ZC3H12A: variants seen among roughly 807,000 people sequenced by gnomAD.
The protein encoded by ZC3H12A is endoribonuclease ZC3H12A.
A neutral mutation model predicts 29.9 loss-of-function variants in ZC3H12A; 9 were observed. That is an observed-to-expected ratio of 0.30 (90% CI 0.18 to 0.53). The LOEUF is 0.53. Ranked by LOEUF, ZC3H12A falls within the 20% of genes least tolerant of loss-of-function variation. The pLI, the probability that ZC3H12A is intolerant of heterozygous loss-of-function variation, is 0.96. For synonymous variants in ZC3H12A, 323 were observed against 338.1 expected, an observed-to-expected ratio of 0.96 and a Z score of 0.49; for missense variants, 617 against 799.0, an observed-to-expected ratio of 0.77 and a Z score of 2.75.
In ZC3H12A at chr1:37,475,362, T is replaced by C; in HGVS notation, c.-38-97T>C. ...CCTGAACTAATAACACGATGCAGTG[T>C]GTAGTGCCACCAATCCCTCATCCTG... On this transcript the variant is annotated intron_variant, in intron 1 of 5. Transcript: ENST00000373087. This position sits in a 1 kb window ranked among gnomAD's most constrained non-coding sequence, Gnocchi z 5.2. 1 of 926,414 alleles carries C rather than the reference T, an allele frequency of 1.1e-6. No individual in the cohort carries two copies. Among genetic ancestry groups the C allele is most frequent in the South Asian group, 1.6e-5 (1 of 62,490 alleles). The allele number at this position is 926,414 out of a possible 1,614,324, so 57.4% of individuals were successfully genotyped here.
At position 37,483,212 on chromosome 1, in the gene ZC3H12A, T is replaced by G; in HGVS notation, c.1401T>G (p.Pro467=). ...GPGEPGPPRA[P]YTGYSPYGSE... Reference sequence around the variant, plus strand: ...GTGAGCCGGGCCCACCCCGAGCCCCTTACACGGGCTACAGTCCCTATGGAT... The same window carrying G: ...GTGAGCCGGGCCCACCCCGAGCCCCGTACACGGGCTACAGTCCCTATGGAT... The change falls in exon 6 of 6, where the codon CCT becomes CCG. Residue 467 remains proline, a synonymous_variant. Transcript: ENST00000373087. The G allele has an allele frequency of 6.2e-7, 1 of 1,613,634 alleles. No homozygotes were observed. Among genetic ancestry groups the G allele is most frequent in the Non-Finnish European group, 8.5e-7 (1 of 1,179,906 alleles).
In ZC3H12A at chr1:37,483,808, T is replaced by C. The variant is rs1641769514; in HGVS notation, c.*197T>C. The C allele has an allele frequency of 3.0e-6, 2 of 672,688 alleles. No homozygotes were observed. Among genetic ancestry groups the C allele is most frequent in the African/African-American group, 3.6e-5 (2 of 55,398 alleles). 41.7% of individuals were successfully genotyped at this position (672,688 alleles called of 1,614,324 possible). ...CTGGCCCATGCAGCACCTCTAGCTG[T>C]CTGCCTCAGTGGGTCAGAAGCGATC... On this transcript the variant is annotated 3_prime_UTR_variant, in exon 6 of 6. Transcript: ENST00000373087.
chr1:37,475,727 C>T lies in ZC3H12A; in HGVS notation c.231C>T (p.Asp77=). ...SVLQKLGVQA[D]TNTVLGELVK... ...TGCAGAAGCTGGGCGTCCAGGCAGA[C>T]ACCAACACGGTGCTGGGTGAGCTGG... is the stretch of plus-strand genomic sequence containing the variant. Residue 77 remains aspartate (D), a synonymous_variant, in exon 2 of 6, where the codon GAC becomes GAT. Transcript: ENST00000373087. This position sits in a 1 kb window ranked among gnomAD's most constrained non-coding sequence, Gnocchi z 5.2. The T allele has an allele frequency of 4.3e-6, 7 of 1,614,048 alleles. No individual in the cohort carries two copies. The highest frequency in any genetic ancestry group is 5.9e-6 in the Non-Finnish European group (7 of 1,180,044).
In ZC3H12A at chr1:37,476,716, C is replaced by T. The variant is rs1267751144; in HGVS notation, c.443+777C>T. ...GCAGAGAGGGAAGCCAGGGCTGCTG[C>T]TGACCTTGGGAAACCCAGACTTCTC... On this transcript the variant is annotated intron_variant, in intron 2 of 5. Transcript: ENST00000373087. The surrounding 1 kb of genome is among the most constrained non-coding windows in gnomAD (Gnocchi z 6.0). Among the ~76,000 whole-genome samples the T allele has an allele frequency of 6.6e-6, 1 of 152,234 alleles. No individual in the cohort carries two copies. Among genetic ancestry groups the T allele is most frequent in the South Asian group, 2.1e-4 (1 of 4,838 alleles).
chr1:37,484,363 T>C lies in ZC3H12A; in HGVS notation c.*752T>C, dbSNP rs1641784675. 1 of 152,150 alleles carries C rather than the reference T, an allele frequency of 6.6e-6. No homozygotes were observed. The highest frequency in any genetic ancestry group is 1.5e-5 in the Non-Finnish European group (1 of 68,050). 9.4% of individuals were successfully genotyped at this position (152,150 alleles called of 1,614,324 possible). ...TAACACATCAATAAAGTACAATCAT[T>C]GTGAGCCCTTTCAAGAGGTGATTGT... On this transcript the variant is annotated 3_prime_UTR_variant, in exon 6 of 6. Coordinates refer to ENST00000373087, the MANE Select transcript of ZC3H12A (RefSeq NM_025079.3).
chr1:37,484,332 C>A lies in ZC3H12A; in HGVS notation c.*721C>A, dbSNP rs1557597560. Reference sequence around the variant, plus strand: ...AATATTTTAAGCAGAAAGTCCTTACCTCCTGTAACACATCAATAAAGTACA... The same window carrying A: ...AATATTTTAAGCAGAAAGTCCTTACATCCTGTAACACATCAATAAAGTACA... On this transcript the variant is annotated 3_prime_UTR_variant, in exon 6 of 6. Coordinates refer to ENST00000373087, the MANE Select transcript of ZC3H12A (RefSeq NM_025079.3). The A allele has an allele frequency of 6.6e-6, 1 of 152,234 alleles. No individual in the cohort carries two copies. Among genetic ancestry groups the A allele is most frequent in the African/African-American group, 2.4e-5 (1 of 41,448 alleles). The allele number at this position is 152,234 out of a possible 1,614,324, so 9.4% of individuals were successfully genotyped here. A position where few individuals can be genotyped will look rare whatever the true frequency, so the allele number is the denominator to read the frequency against.
chr1:37,481,970 G>A (rs1256371393), intron 4 of ZC3H12A, 135 bp downstream of exon 4: 2 of 836,594 alleles, frequency 2.4e-6, no homozygotes, highest in Non-Finnish European at 3.8e-6. Flanking sequence ...CTTGGCTCCA[G>A]GCAGCTTTGA....
Position 37,482,785 on chromosome 1 carries a change from G to A in ZC3H12A, c.974G>A (p.Arg325Gln), listed in dbSNP as rs570916199. The change falls in exon 6 of 6, where the codon CGG becomes CAG. Residue 325 changes from arginine (R) to glutamine (Q), a missense_variant. Arg to Gln is a conservative substitution (Grantham distance 43). This residue lies in a region of ZC3H12A where 255 missense variants were observed against 402.5 expected (regional missense o/e 0.63). Transcript: ENST00000373087. ...GIKCRFFHPE[R>Q]PSCPQRSVAD... is the part of the protein sequence containing the mutation. ...AAGTGCCGATTCTTCCACCCAGAGC[G>A]GCCAAGCTGCCCCCAGCGCTCTGTG... The A allele has an allele frequency of 6.8e-6, 11 of 1,613,926 alleles. No homozygotes were observed. Among genetic ancestry groups the A allele is most frequent in the East Asian group, 2.2e-5 (1 of 44,888 alleles).
At position 37,483,796 on chromosome 1, in the gene ZC3H12A, C is replaced by A; in HGVS notation, c.*185C>A. On this transcript the variant is annotated 3_prime_UTR_variant, in exon 6 of 6. Coordinates refer to ENST00000373087, the MANE Select transcript of ZC3H12A (RefSeq NM_025079.3). ...GTAGGATTGGTTCTGGCCCATGCAG[C>A]ACCTCTAGCTGTCTGCCTCAGTGGG... 1.3e-6 allele frequency: 1 copy of A among 747,048 alleles called. No individual in the cohort carries two copies. The highest frequency in any genetic ancestry group is 2.1e-6 in the Non-Finnish European group (1 of 474,966). The allele number at this position is 747,048 out of a possible 1,614,324, so 46.3% of individuals were successfully genotyped here.
Position 37,481,843 on chromosome 1 carries a change from C to A in ZC3H12A, c.818+8C>A. 1 of 1,610,914 alleles carries A rather than the reference C, an allele frequency of 6.2e-7. No homozygotes were observed. The highest frequency in any genetic ancestry group is 1.1e-5 in the South Asian group (1 of 90,670). ...CTCCTTCGTCAATGACAAGTATGTTCCCTCCCAGAGGCCCTGACAGACTTG... is the reference window on the plus strand; with the variant it reads ...CTCCTTCGTCAATGACAAGTATGTTACCTCCCAGAGGCCCTGACAGACTTG... On this transcript the variant is annotated splice_region_variant and intron_variant, in intron 4 of 5. Transcript: ENST00000373087.
rs749467540 is a variant in ZC3H12A at position 37,475,667 on chromosome 1, G to A, written c.171G>A (p.Lys57=). ...ELQMKVDFFR[K]LGYSSTEIHS... ...AGATGAAGGTGGACTTCTTCCGGAA[G>A]CTGGGCTATTCATCCACGGAGATCC... is the stretch of plus-strand genomic sequence containing the variant. Residue 57 remains lysine, a synonymous_variant, in exon 2 of 6, where the codon AAG becomes AAA. Coordinates refer to ENST00000373087, the MANE Select transcript of ZC3H12A (RefSeq NM_025079.3). This position sits in a 1 kb window ranked among gnomAD's most constrained non-coding sequence, Gnocchi z 5.2. 2.2e-5 allele frequency: 35 copies of A among 1,614,036 alleles called. No homozygotes were observed. The highest frequency in any genetic ancestry group is 3.0e-5 in the Non-Finnish European group (35 of 1,180,060).
At position 37,479,745 on chromosome 1, in the gene ZC3H12A, G is replaced by A; in HGVS notation, c.444-545G>A. ...TGTGTGAGGACTGAACTTTAATCCGGAACAATCTGGTTTCTCCTCGGTCAG... is the reference window on the plus strand; with the variant it reads ...TGTGTGAGGACTGAACTTTAATCCGAAACAATCTGGTTTCTCCTCGGTCAG... On this transcript the variant is annotated intron_variant, in intron 2 of 5. Coordinates refer to ENST00000373087, the MANE Select transcript of ZC3H12A (RefSeq NM_025079.3). The surrounding 1 kb of genome is among the most constrained non-coding windows in gnomAD (Gnocchi z 4.5). The A allele has an allele frequency of 1.0e-6, 1 of 985,400 alleles. No individual in the cohort carries two copies. The highest frequency in any genetic ancestry group is 1.2e-6 in the Non-Finnish European group (1 of 829,932). 61.0% of individuals were successfully genotyped at this position (985,400 alleles called of 1,614,324 possible).
In ZC3H12A at chr1:37,483,224, C is replaced by T. The variant is rs1250587546; in HGVS notation, c.1413C>T (p.Tyr471=). ...CACCCCGAGCCCCTTACACGGGCTA[C>T]AGTCCCTATGGATCTGAGCTCCCAG... ...PGPPRAPYTG[Y]SPYGSELPAT... is the part of the protein sequence containing the mutation. The change falls in exon 6 of 6, where the codon TAC becomes TAT. Residue 471 remains tyrosine (Y), a synonymous_variant. Transcript: ENST00000373087. The T allele has an allele frequency of 2.5e-6, 4 of 1,613,760 alleles. No homozygotes were observed. The highest frequency in any genetic ancestry group is 3.4e-6 in the Non-Finnish European group (4 of 1,179,926).
At position 37,479,105 on chromosome 1, in the gene ZC3H12A, C is replaced by T. The variant is rs1013512345; in HGVS notation, c.444-1185C>T. 14 of 985,254 alleles carry T rather than the reference C, an allele frequency of 1.4e-5. No individual in the cohort carries two copies. The African/African-American group carries it at 1.9e-4, about 14-fold the overall frequency. 61.0% of individuals were successfully genotyped at this position (985,254 alleles called of 1,614,324 possible). ...GTTGGCCCTGGACTTGCCTCTTTTG[C>T]GTAACATTTATTCTGTTTTATTTGC... On this transcript the variant is annotated intron_variant, in intron 2 of 5. Coordinates refer to ENST00000373087, the MANE Select transcript of ZC3H12A (RefSeq NM_025079.3). This position sits in a 1 kb window ranked among gnomAD's most constrained non-coding sequence, Gnocchi z 4.5.
rs1403037324 is a variant in ZC3H12A at position 37,484,244 on chromosome 1, T to C, written c.*633T>C. 1.3e-5 allele frequency: 2 copies of C among 152,242 alleles called. No homozygotes were observed. The highest frequency in any genetic ancestry group is 2.4e-5 in the African/African-American group (1 of 41,374). The allele number at this position is 152,242 out of a possible 1,614,324, so 9.4% of individuals were successfully genotyped here. On this transcript the variant is annotated 3_prime_UTR_variant, in exon 6 of 6. Coordinates refer to ENST00000373087, the MANE Select transcript of ZC3H12A (RefSeq NM_025079.3). ...CTTCTCCTCCATCCTTTATTCAGAG[T>C]CATCTCGCCCTTCCCCATGGGTGGG...
chr1:37,479,164 G>A lies in ZC3H12A; in HGVS notation c.444-1126G>A. 7 of 985,404 alleles carry A rather than the reference G, an allele frequency of 7.1e-6. No individual in the cohort carries two copies. The highest frequency in any genetic ancestry group is 8.4e-6 in the Non-Finnish European group (7 of 829,928). The allele number at this position is 985,404 out of a possible 1,614,324, so 61.0% of individuals were successfully genotyped here. On this transcript the variant is annotated intron_variant, in intron 2 of 5. Coordinates refer to ENST00000373087, the MANE Select transcript of ZC3H12A (RefSeq NM_025079.3). This position sits in a 1 kb window ranked among gnomAD's most constrained non-coding sequence, Gnocchi z 4.5. ...AGAGTCTAAGCTGTTCACTGAGGGGGCAGTGAGACGTGGGGCTGCTGGTCC... is the reference window on the plus strand; with the variant it reads ...AGAGTCTAAGCTGTTCACTGAGGGGACAGTGAGACGTGGGGCTGCTGGTCC...
chr1:37,482,368 C>T, intron 4 of ZC3H12A, 66 bp from the exon 5 acceptor site: 1 of 1,390,574 alleles, frequency 7.2e-7, no homozygotes, highest in South Asian at 1.3e-5. Context: ...GCCATCGGCC[C>T]CTTCTCAGCA....
intron 2 of ZC3H12A, chr1:37,480,007 A>T: frequency 8.7e-7 from 1 of 1,152,790 alleles, no homozygotes; most frequent in Non-Finnish European, 1.1e-6. Flanking sequence ...CTTTCAGGAG[A>T]TGGAGCCTCA....
At position 37,479,095 on chromosome 1, in the gene ZC3H12A, G is replaced by A. The variant is rs1641647719; in HGVS notation, c.444-1195G>A. On this transcript the variant is annotated intron_variant, in intron 2 of 5. Transcript: ENST00000373087. The surrounding 1 kb of genome is among the most constrained non-coding windows in gnomAD (Gnocchi z 4.5). ...ACAGGATGTGGTTGGCCCTGGACTTGCCTCTTTTGCGTAACATTTATTCTG... is the reference window on the plus strand; with the variant it reads ...ACAGGATGTGGTTGGCCCTGGACTTACCTCTTTTGCGTAACATTTATTCTG... 5 of 985,234 alleles carry A rather than the reference G, an allele frequency of 5.1e-6. No homozygotes were observed. Among genetic ancestry groups the A allele is most frequent in the Non-Finnish European group, 6.0e-6 (5 of 829,936 alleles). 61.0% of individuals were successfully genotyped at this position (985,234 alleles called of 1,614,324 possible). A position where few individuals can be genotyped will look rare whatever the true frequency, so the allele number is the denominator to read the frequency against.
Sources: allele counts gnomAD v4.1 joint callset (sites outside exome capture counted in the v4.1 genomes callset), GRCh38; gene constraint gnomAD v4.1.1; regional missense constraint gnomAD v4.1.1; non-coding constraint Gnocchi (gnomAD v3.1); transcripts MANE v1.5; gene names NCBI Gene and HGNC (gene_info 2026-07-23, HGNC 2026-07-21).